The following ZFYVE27 variants were observed in gnomAD, a reference collection of about 807,000 sequenced individuals.
The protein encoded by ZFYVE27 is protrudin.
ZFYVE27 carries 36 observed loss-of-function variants against 52.8 expected under a neutral mutation model. That is an observed-to-expected ratio of 0.68 (90% CI 0.52 to 0.90). The LOEUF (loss-of-function observed/expected upper bound fraction) is 0.90, where lower values mean the gene tolerates loss of function less well. Among genes scored for constraint, ZFYVE27 ranks in the 40% least tolerant of loss-of-function variants. The pLI is 0.00. For synonymous variants in ZFYVE27, 223 were observed against 215.6 expected, an observed-to-expected ratio of 1.03 and a Z score of -0.30; for missense variants, 450 against 527.2, an observed-to-expected ratio of 0.85 and a Z score of 1.43.
chr10:97,749,822 A>G (rs1223084726), intron 6 of ZFYVE27, among the ~76,000 whole-genome samples: 1 of 152,210 alleles, frequency 6.6e-6, no homozygotes, highest in Non-Finnish European at 1.5e-5. Flanking sequence ...TCCCTTCCCA[A>G]GGCAGATGAA....
chr10:97,752,053 A>G (rs74152028), intron 8 of ZFYVE27, among the ~76,000 whole-genome samples: 1,605 of 152,318 alleles, frequency 0.011, 30 homozygotes, highest in African/African-American at 0.035. Context: ...TTTCTCTGGT[A>G]GTCCTGAGTC....
At chr10:97,757,855 C>G (rs779114287) in intron 12 of ZFYVE27, 132 bp downstream of exon 12, 6 of 825,546 alleles carry the variant, frequency 7.3e-6, no homozygotes, top group Middle Eastern at 5.9e-4. Context: ...AACGTTTCCT[C>G]CATCCCCTTT....
intron 10 of ZFYVE27, among the ~76,000 whole-genome samples, chr10:97,753,594 C>G (rs1250988115): frequency 6.6e-6 from 1 of 152,144 alleles, no homozygotes; most frequent in Non-Finnish European, 1.5e-5. Context: ...TTATTTCACA[C>G]CCCGTGCCTC....
rs11189359 is a variant in ZFYVE27 at position 97,757,859 on chromosome 10, C to A, written c.1171+136C>A. Reference sequence around the variant, plus strand: ...AGGCCTACGGGAACGTTTCCTCCATCCCCTTTAGCAAAATCCTGAAACATT... The same window carrying A: ...AGGCCTACGGGAACGTTTCCTCCATACCCTTTAGCAAAATCCTGAAACATT... On this transcript the variant is annotated intron_variant, in intron 12 of 12. Coordinates refer to ENST00000684270, the MANE Select transcript of ZFYVE27 (RefSeq NM_001385875.1). 0.69 allele frequency: 517,500 copies of A among 746,720 alleles called. 184,869 individuals carry two copies. Among genetic ancestry groups the A allele is most frequent in the Non-Finnish European group, 0.75 (330,612 of 437,922 alleles). 46.3% of individuals were successfully genotyped at this position (746,720 alleles called of 1,614,324 possible).
At chr10:97,749,712 C>G in intron 6 of ZFYVE27, 126 bp downstream of exon 6, 1 of 763,648 alleles carries the variant, frequency 1.3e-6, no homozygotes, top group South Asian at 1.4e-5. Flanking sequence ...CAACACCACA[C>G]TGGGGTCCTC....
chr10:97,737,703 T>C (rs1458735253), intron 1 of ZFYVE27, among the ~76,000 whole-genome samples: 1 of 152,196 alleles, frequency 6.6e-6, no homozygotes, highest in African/African-American at 2.4e-5. Flanking sequence ...CGTTTGCTGC[T>C]TAGAGTTCAG....
At chr10:97,756,514 G>T (rs2048371175) in intron 10 of ZFYVE27, among the ~76,000 whole-genome samples, 2 of 152,268 alleles carry the variant, frequency 1.3e-5, no homozygotes, top group South Asian at 4.1e-4. Context: ...GCAGGCCTAT[G>T]GGCCCCACAT....
intron 2 of ZFYVE27, among the ~76,000 whole-genome samples, chr10:97,741,020 G>C (rs761715374): frequency 1.3e-4 from 20 of 152,170 alleles, no homozygotes; most frequent in Non-Finnish European, 2.9e-4. Flanking sequence ...CTTTTACCCT[G>C]GTAGCTGCCA....
At chr10:97,749,769 C>G (rs1361836129) in intron 6 of ZFYVE27, among the ~76,000 whole-genome samples, 183 bp downstream of exon 6, 1 of 152,236 alleles carries the variant, frequency 6.6e-6, no homozygotes, top group African/African-American at 2.4e-5. Flanking sequence ...GCTGGAATCT[C>G]ACCAGGGGAG....
At chr10:97,754,773 C>T (rs2047928760) in intron 10 of ZFYVE27, 4 of 1,289,296 alleles carry the variant, frequency 3.1e-6, no homozygotes, top group Admixed American at 2.3e-5. Flanking sequence ...CAGCCAGATT[C>T]CAGCAGTGCC....
Position 97,757,224 on chromosome 10 carries a change from C to T in ZFYVE27, c.1043-41C>T, listed in dbSNP as rs1434685291. The T allele has an allele frequency of 3.1e-6, 5 of 1,613,964 alleles. No homozygotes were observed. The South Asian group carries it at 4.4e-5, about 14-fold the overall frequency. ...CCAGGAGCAGGTGAGCGTGAGAGTC[C>T]TGGGATGGGCGGGGGTTGAGCTGCT... On this transcript the variant is annotated intron_variant, in intron 10 of 12. Coordinates refer to ENST00000684270, the MANE Select transcript of ZFYVE27 (RefSeq NM_001385875.1).
At chr10:97,738,006 G>A (rs2042572987) in intron 1 of ZFYVE27, among the ~76,000 whole-genome samples, 1 of 152,242 alleles carries the variant, frequency 6.6e-6, no homozygotes, top group South Asian at 2.1e-4. Flanking sequence ...TCAGTGCTCT[G>A]CACTTGATCT....
intron 2 of ZFYVE27, among the ~76,000 whole-genome samples, chr10:97,741,620 G>C (rs936182532): frequency 1.3e-5 from 2 of 152,228 alleles, no homozygotes; most frequent in East Asian, 1.9e-4. Flanking sequence ...ATTGAGGGGT[G>C]GGGGCTAGAG....
rs1165408074 is a variant in ZFYVE27, at chr10:97,738,919, A to G, written c.197+245A>G. On this transcript the variant is annotated intron_variant, in intron 2 of 12. Coordinates refer to ENST00000684270, the MANE Select transcript of ZFYVE27 (RefSeq NM_001385875.1). Reference sequence around the variant, plus strand: ...CAAGGTTCTTCTTTGTGACTGAATAAGCTCCTTCCTCTGGACTGCTGGACA... The same window carrying G: ...CAAGGTTCTTCTTTGTGACTGAATAGGCTCCTTCCTCTGGACTGCTGGACA... The G allele has an allele frequency of 5.6e-6, 3 of 537,852 alleles. No individual in the cohort carries two copies. In the East Asian group the frequency reaches 9.8e-5, roughly 18 times the overall value. 33.3% of individuals were successfully genotyped at this position (537,852 alleles called of 1,614,324 possible).
intron 11 of ZFYVE27, 135 bp downstream of exon 11, chr10:97,757,446 T>C (rs1590110983): frequency 2.2e-6 from 3 of 1,346,302 alleles, no homozygotes; most frequent in African/African-American, 2.9e-5. Flanking sequence ...GGAGTGAGTG[T>C]GCCCTCCCCT....
chr10:97,751,551 C>G, intron 8 of ZFYVE27, 89 bp downstream of exon 8: 2 of 1,319,404 alleles, frequency 1.5e-6, no homozygotes, highest in Non-Finnish European at 2.2e-6. Context: ...TTTTAATGTC[C>G]AAGTGAGAAG....
intron 4 of ZFYVE27, 93 bp downstream of exon 4, chr10:97,745,008 C>G (rs756323504): frequency 7.2e-7 from 1 of 1,389,440 alleles, no homozygotes; most frequent in Non-Finnish European, 9.9e-7. Flanking sequence ...TCATATTAGG[C>G]AAACCACAGC....
intron 8 of ZFYVE27, 47 bp downstream of exon 8, chr10:97,751,509 G>C: frequency 1.9e-6 from 3 of 1,592,522 alleles, no homozygotes; most frequent in Non-Finnish European, 2.6e-6. Flanking sequence ...GCCAGAAATT[G>C]GGTGGTCCTG....
intron 10 of ZFYVE27, chr10:97,754,781 G>A: frequency 7.8e-7 from 1 of 1,289,412 alleles, no homozygotes; most frequent in Non-Finnish European, 1.0e-6. Flanking sequence ...TTCCAGCAGT[G>A]CCCGGTAACA....
Sources: gnomAD v4.1 joint callset for allele counts (sites outside exome capture counted in the v4.1 genomes callset) on GRCh38, gnomAD v4.1.1 for gene constraint, MANE v1.5 for transcripts, NCBI Gene and HGNC (gene_info 2026-07-23, HGNC 2026-07-21) for gene names.